Variants in SFXN4 observed in about 807,000 individuals in gnomAD.
SFXN4 encodes sideroflexin-4.
A neutral mutation model predicts 54.6 loss-of-function variants in SFXN4; 48 were observed. The ratio of observed to expected loss-of-function variants is 0.88; its 90% CI spans 0.70 to 1.12. SFXN4 has a LOEUF of 1.12. Ranked by LOEUF, SFXN4 falls within the 50% of genes most tolerant of loss-of-function variation. SFXN4 has a pLI of 0.00. For missense variants in SFXN4, 383 were observed against 409.2 expected (o/e 0.94, Z 0.55); for synonymous variants, 130 against 145.5 (o/e 0.89, Z 0.77).
chr10:119,162,632 C>T (rs1355234445), intron 2 of SFXN4, among the ~76,000 whole-genome samples: 1 of 152,078 alleles, frequency 6.6e-6, no homozygotes, highest in East Asian at 1.9e-4. Flanking sequence ...AGCAGCTGCC[C>T]CCAATGGTGC....
Position 119,141,193 on chromosome 10 carries a change from G to A in SFXN4, c.*49C>T. Reference sequence around the variant, plus strand: ...AAGTTCTCTAAACCGAACCTGGAGAGGGGAAGGTTTTCAAGCAGGAACCAC... The same window carrying A: ...AAGTTCTCTAAACCGAACCTGGAGAAGGGAAGGTTTTCAAGCAGGAACCAC... On this transcript the variant is annotated 3_prime_UTR_variant, in exon 14 of 14. Coordinates refer to ENST00000355697, the MANE Select transcript of SFXN4 (RefSeq NM_213649.2). 7.1e-7 allele frequency: 1 copy of A among 1,402,032 alleles called. No individual in the cohort carries two copies. The highest frequency in any genetic ancestry group is 1.0e-6 in the Non-Finnish European group (1 of 994,318). The allele number at this position is 1,402,032 out of a possible 1,614,324, so 86.8% of individuals were successfully genotyped here. A position where few individuals can be genotyped will look rare whatever the true frequency, so the allele number is the denominator to read the frequency against.
At chr10:119,156,941 A>C (rs1372052206) in intron 9 of SFXN4, among the ~76,000 whole-genome samples, 185 bp from the exon 10 acceptor site, 5 of 152,094 alleles carry the variant, frequency 3.3e-5, no homozygotes, top group Non-Finnish European at 7.4e-5. Context: ...AGGAGTCAAC[A>C]GGGGCTTAGA....
intron 11 of SFXN4, among the ~76,000 whole-genome samples, chr10:119,154,092 C>T (rs1847181115): frequency 6.6e-6 from 1 of 151,602 alleles, no homozygotes. Context: ...GGAGGAGAAT[C>T]GCTTGAACCC....
At chr10:119,146,197 T>TA (rs1165962185) in intron 13 of SFXN4, 39 bp downstream of exon 13, 6 of 1,130,202 alleles carry the variant, frequency 5.3e-6, no homozygotes, top group Non-Finnish European at 7.9e-6. Flanking sequence ...AACTGCAAAA[T>TA]AAAAAACTTT....
intron 10 of SFXN4, among the ~76,000 whole-genome samples, chr10:119,156,277 A>C (rs1847276228): frequency 6.6e-6 from 1 of 152,100 alleles, no homozygotes; most frequent in Admixed American, 6.6e-5. Flanking sequence ...ACAAAAAAAC[A>C]ATTAGCTGGA....
At chr10:119,146,608 G>A (rs771304092) in intron 12 of SFXN4, among the ~76,000 whole-genome samples, 3 of 151,724 alleles carry the variant, frequency 2.0e-5, no homozygotes, top group African/African-American at 4.8e-5. Flanking sequence ...TTCCTCTGTC[G>A]CCCAGGCTGG....
At chr10:119,159,175 G>C (rs1847409494) in intron 6 of SFXN4, among the ~76,000 whole-genome samples, 1 of 151,902 alleles carries the variant, frequency 6.6e-6, no homozygotes, top group South Asian at 2.1e-4. Flanking sequence ...AGCTACTCAG[G>C]AGGCTGAGAC....
intron 13 of SFXN4, 110 bp from the exon 14 acceptor site, chr10:119,141,429 CAAT>C (rs1846518857): frequency 4.2e-6 from 2 of 480,988 alleles, no homozygotes; most frequent in Middle Eastern, 5.3e-4. Context: ...CCATCTTTTT[CAAT>C]AATGTCTAAT....
Position 119,157,679 on chromosome 10 carries a change from T to A in SFXN4, c.526A>T (p.Thr176Ser), listed in dbSNP as rs1847326783. 2.5e-6 allele frequency: 4 copies of A among 1,603,744 alleles called. No individual in the cohort carries two copies. The East Asian group carries it at 8.9e-5, about 36-fold the overall frequency. ...CTAAAAATACCTACTCCTAAGAAAG[T>A]TGAAGAAGCAACGGCTCCCGCCATT... ...LLMAGAVASS[T>S]FLGVIPQFVQ... Residue 176 changes from threonine (T) to serine (S), a missense_variant, in exon 9 of 14, where the codon ACT becomes TCT. By Grantham distance (58) the Thr-to-Ser change is moderately conservative. Coordinates refer to ENST00000355697, the MANE Select transcript of SFXN4 (RefSeq NM_213649.2).
At position 119,162,200 on chromosome 10, in the gene SFXN4, G is replaced by C. The variant is rs137984976; in HGVS notation, c.252+140C>G. The C allele has an allele frequency of 3.5e-4, 235 of 680,602 alleles. 1 individual carries two copies. The African/African-American group carries it at 3.8e-3, about 11-fold the overall frequency. The allele number at this position is 680,602 out of a possible 1,614,324, so 42.2% of individuals were successfully genotyped here. A position where few individuals can be genotyped will look rare whatever the true frequency, so the allele number is the denominator to read the frequency against. On this transcript the variant is annotated intron_variant, in intron 3 of 13. Coordinates refer to ENST00000355697, the MANE Select transcript of SFXN4 (RefSeq NM_213649.2). ...ACAATGACAGCATTAATAGCCAATAGAACAGTGGCTCCCAAGGGAAGGAAA... is the reference window on the plus strand; with the variant it reads ...ACAATGACAGCATTAATAGCCAATACAACAGTGGCTCCCAAGGGAAGGAAA...
chr10:119,152,851 G>A (rs1312139016), intron 11 of SFXN4, among the ~76,000 whole-genome samples: 1 of 152,084 alleles, frequency 6.6e-6, no homozygotes, highest in East Asian at 1.9e-4. Context: ...GACATACCCT[G>A]GCTGGCTAAG....
chr10:119,161,117 T>A (rs200003315), intron 3 of SFXN4, 36 bp from the exon 4 acceptor site: 8 of 1,611,400 alleles, frequency 5.0e-6, no homozygotes, highest in Admixed American at 1.7e-5. Context: ...TGTTTCATTT[T>A]AAATTTTTTT....
chr10:119,151,767 C>G (rs1847078785), intron 11 of SFXN4, among the ~76,000 whole-genome samples: 1 of 151,814 alleles, frequency 6.6e-6, no homozygotes, highest in Non-Finnish European at 1.5e-5. Flanking sequence ...CTACCTGCCT[C>G]AGACCCCTCA....
intron 11 of SFXN4, among the ~76,000 whole-genome samples, chr10:119,152,056 C>T (rs890213191): frequency 2.0e-5 from 3 of 151,788 alleles, no homozygotes; most frequent in Non-Finnish European, 4.4e-5. Context: ...TGGACTCAAG[C>T]GATCTACCTC....
At chr10:119,162,602 T>A (rs1051775197) in intron 2 of SFXN4, among the ~76,000 whole-genome samples, 188 bp from the exon 3 acceptor site, 1 of 152,112 alleles carries the variant, frequency 6.6e-6, no homozygotes, top group African/African-American at 2.4e-5. Context: ...GATTTATGCC[T>A]TCCTCTTCCT....
chr10:119,141,307 T>C lies in SFXN4; in HGVS notation c.949A>G (p.Ser317Gly). Residue 317 changes from serine (S) to glycine (G), a missense_variant, in exon 14 of 14, where the codon AGT becomes GGT. Physicochemically the swap from Ser to Gly is moderately conservative, Grantham distance 56. Transcript: ENST00000355697. ...FPQIGQIQYCSLEEKIQSPTE... is the reference protein window; with the variant it reads ...FPQIGQIQYCGLEEKIQSPTE... ...GGAGACTGAATTTTCTCTTCAAGAC[T>C]ACAGTACTGTATCTGAAAAATAGTT... 6.3e-7 allele frequency: 1 copy of C among 1,592,430 alleles called. No individual in the cohort carries two copies. The highest frequency in any genetic ancestry group is 8.6e-7 in the Non-Finnish European group (1 of 1,161,322).
chr10:119,148,289 C>T (rs1300579591), intron 11 of SFXN4, among the ~76,000 whole-genome samples: 2 of 152,040 alleles, frequency 1.3e-5, no homozygotes, highest in Non-Finnish European at 2.9e-5. Context: ...TGGAGAGAGG[C>T]GGAGGGGACG....
intron 5 of SFXN4, 117 bp downstream of exon 5, chr10:119,160,798 C>T (rs1222033409): frequency 1.2e-5 from 12 of 1,014,448 alleles, no homozygotes; most frequent in Admixed American, 9.2e-5. Context: ...CGGGGTTTCA[C>T]CATGTTGGCC....
chr10:119,158,099 G>A (rs761285515), intron 6 of SFXN4, 37 bp from the exon 7 acceptor site: 14 of 1,596,086 alleles, frequency 8.8e-6, no homozygotes, highest in Non-Finnish European at 1.2e-5. Context: ...TACAAGTGTT[G>A]CTGTGGAAGG....
Sources: allele counts gnomAD v4.1 joint callset (sites outside exome capture counted in the v4.1 genomes callset), GRCh38; gene constraint gnomAD v4.1.1; transcripts MANE v1.5; gene names NCBI Gene and HGNC (gene_info 2026-07-23, HGNC 2026-07-21).